NOX1: variants seen among roughly 807,000 people sequenced by gnomAD.
NOX1 encodes NADH/NADPH mitogenic oxidase subunit P65-MOX.
A neutral mutation model predicts 42.5 loss-of-function variants in NOX1; 34 were observed. The ratio of observed to expected loss-of-function variants is 0.80; its 90% CI spans 0.61 to 1.07. The LOEUF (loss-of-function observed/expected upper bound fraction) is 1.07, where lower values mean the gene tolerates loss of function less well. Ranked by LOEUF, NOX1 falls within the 50% of genes least tolerant of loss-of-function variation. The pLI is 0.00. For synonymous variants in NOX1, 143 were observed against 152.5 expected, an observed-to-expected ratio of 0.94 and a Z score of 0.46; for missense variants, 408 against 427.0, an observed-to-expected ratio of 0.96 and a Z score of 0.39.
At chrX:100,860,627 A>G (rs777884637) in intron 7 of NOX1, among the ~76,000 whole-genome samples, 1 of 111,397 alleles carries the variant, frequency 9.0e-6, no homozygotes, top group African/African-American at 3.3e-5. Context: ...TCTTTTTATC[A>G]TGTTATTAGG....
chrX:100,858,871 C>T (rs1025969490), intron 7 of NOX1, among the ~76,000 whole-genome samples: 1 of 111,434 alleles, frequency 9.0e-6, no homozygotes, highest in Non-Finnish European at 1.9e-5. Flanking sequence ...ATCATATTGT[C>T]TGCAAACAGG....
chrX:100,848,515 C>T, intron 12 of NOX1, 115 bp downstream of exon 12: 3 of 641,724 alleles, frequency 4.7e-6, no homozygotes, highest in Non-Finnish European at 6.7e-6. Flanking sequence ...TGGTCTCGAA[C>T]TCCTGACCTC....
intron 2 of NOX1, among the ~76,000 whole-genome samples, chrX:100,868,273 A>C (rs2085251682): frequency 1.8e-5 from 2 of 112,180 alleles, no homozygotes. Flanking sequence ...ATTTTTTAAA[A>C]GGACAAGCTG....
At chrX:100,853,681 A>T (rs1454000722) in intron 7 of NOX1, among the ~76,000 whole-genome samples, 1 of 106,666 alleles carries the variant, frequency 9.4e-6, no homozygotes, top group Non-Finnish European at 1.9e-5. Context: ...AACTACAGGC[A>T]TGCACCACCA....
At chrX:100,851,684 G>C (rs1289694863) in intron 7 of NOX1, among the ~76,000 whole-genome samples, 2 of 111,764 alleles carry the variant, frequency 1.8e-5, no homozygotes, top group African/African-American at 3.3e-5. Flanking sequence ...GGCCGAGGCG[G>C]GCAGACTGCC....
chrX:100,874,052 T>C (rs778481684), intron 1 of NOX1, 43 bp downstream of exon 1: 2 of 955,748 alleles, frequency 2.1e-6, no homozygotes, highest in Non-Finnish European at 3.0e-6. Context: ...ACATGATTTC[T>C]CCTTAATCCT....
chrX:100,853,429 T>C (rs1346432665), intron 7 of NOX1, among the ~76,000 whole-genome samples: 2 of 101,403 alleles, frequency 2.0e-5, no homozygotes. Flanking sequence ...CTTTCTTTTT[T>C]TTTTTTGACA....
At position 100,862,274 on chromosome X, in the gene NOX1, C is replaced by G; in HGVS notation, c.701G>C (p.Ser234Thr). Residue 234 changes from serine to threonine, a missense_variant, in exon 7 of 13, where the codon AGC becomes ACC. By Grantham distance (58) the Ser-to-Thr change is moderately conservative. Coordinates refer to ENST00000372966, the MANE Select transcript of NOX1 (RefSeq NM_007052.5). ...GGIVRGQTEE[S>T]MNESHPRKCA... Reference sequence around the variant, plus strand: ...CTTGCGAGGATGACTCTCATTCATGCTCTCCTCTGTTTGACCCCGGACAAT... The same window carrying G: ...CTTGCGAGGATGACTCTCATTCATGGTCTCCTCTGTTTGACCCCGGACAAT... 1 of 1,211,235 alleles carries G rather than the reference C, an allele frequency of 8.3e-7. No homozygotes were observed.
chrX:100,857,301 T>G (rs930036955), intron 7 of NOX1, among the ~76,000 whole-genome samples: 3 of 112,036 alleles, frequency 2.7e-5, no homozygotes, highest in African/African-American at 9.7e-5. Flanking sequence ...TTTAGGTGGA[T>G]TCCATGTCTG....
intron 7 of NOX1, among the ~76,000 whole-genome samples, chrX:100,858,445 T>C (rs1334961498): frequency 1.8e-5 from 2 of 110,610 alleles, no homozygotes; most frequent in Non-Finnish European, 3.8e-5. Context: ...TTTGAAATAG[T>C]TTTTTTTTCT....
intron 2 of NOX1, among the ~76,000 whole-genome samples, chrX:100,864,241 T>C (rs951953681): frequency 5.4e-5 from 6 of 112,077 alleles, no homozygotes; most frequent in Non-Finnish European, 1.1e-4. Flanking sequence ...CTGCCTGCTT[T>C]GGCCTCCCAA....
At chrX:100,845,366 ATGT>A (rs2085065368) in intron 12 of NOX1, among the ~76,000 whole-genome samples, 1 of 109,909 alleles carries the variant, frequency 9.1e-6, no homozygotes, top group Non-Finnish European at 1.9e-5. Flanking sequence ...AGATTTGTCC[ATGT>A]TGTAGCATGA....
chrX:100,874,270 A>C lies in NOX1; in HGVS notation c.-131T>G. On this transcript the variant is annotated 5_prime_UTR_variant, in exon 1 of 13. Transcript: ENST00000372966. Reference sequence around the variant, plus strand: ...TGAGCCTTTAAGATGTGAAAAACACACACCTACCCCAAGAGTTCCTGGGAA... The same window carrying C: ...TGAGCCTTTAAGATGTGAAAAACACCCACCTACCCCAAGAGTTCCTGGGAA... The C allele has an allele frequency of 2.1e-6, 1 of 483,923 alleles. No homozygotes were observed. The highest frequency in any genetic ancestry group is 3.7e-6 in the Non-Finnish European group (1 of 271,545). 39.9% of individuals were successfully genotyped at this position (483,923 alleles called of 1,213,427 possible).
At chrX:100,856,320 A>G in intron 7 of NOX1, 1 of 684,942 alleles carries the variant, frequency 1.5e-6, no homozygotes, top group Non-Finnish European at 2.4e-6. Flanking sequence ...TCAAAGCTCA[A>G]ATCTCCAATG....
At chrX:100,865,670 A>G (rs937017918) in intron 2 of NOX1, among the ~76,000 whole-genome samples, 1 of 113,090 alleles carries the variant, frequency 8.8e-6, no homozygotes, top group Non-Finnish European at 1.9e-5. Context: ...TATTCTCTTA[A>G]AAGGCTGAGA....
At chrX:100,853,607 G>C (rs1461771394) in intron 7 of NOX1, among the ~76,000 whole-genome samples, 2 of 101,687 alleles carry the variant, frequency 2.0e-5, no homozygotes, top group African/African-American at 7.3e-5. Context: ...CACCATGCTG[G>C]CCAGGCTGGT....
At chrX:100,864,204 G>A (rs1602391841) in intron 2 of NOX1, among the ~76,000 whole-genome samples, 1 of 111,559 alleles carries the variant, frequency 9.0e-6, no homozygotes, top group East Asian at 2.8e-4. Flanking sequence ...TGCCCAGGCT[G>A]GTCTGGAACT....
rs2085100059 is a variant in NOX1 at position 100,849,787 on chromosome X, G to T, written c.1281C>A (p.Asn427Lys). ...GGGATTATACCTTTTTTGTTTTGAG[G>T]TTGTGGTCTGCACACTGGAATTTGT... ...IWYKFQCADH[N>K]LKTKKIYFYW... The change falls in exon 10 of 13, where the codon AAC becomes AAA. Residue 427 changes from asparagine (N) to lysine (K), a missense_variant. Asn to Lys is a moderately conservative substitution (Grantham distance 94). Transcript: ENST00000372966. The T allele has an allele frequency of 8.3e-7, 1 of 1,202,567 alleles. No homozygotes were observed. The highest frequency in any genetic ancestry group is 1.1e-6 in the Non-Finnish European group (1 of 892,522).
chrX:100,869,605 A>G (rs1233199272), intron 2 of NOX1, among the ~76,000 whole-genome samples: 1 of 108,504 alleles, frequency 9.2e-6, no homozygotes, highest in East Asian at 2.9e-4. Context: ...TGTCATCTGC[A>G]AACAGGGACA....
Sources: gnomAD v4.1 joint callset for allele counts (sites outside exome capture counted in the v4.1 genomes callset) on GRCh38, gnomAD v4.1.1 for gene constraint, MANE v1.5 for transcripts, NCBI Gene and HGNC (gene_info 2026-07-23, HGNC 2026-07-21) for gene names.